CCDC171: variants seen among roughly 807,000 people sequenced by gnomAD.
CCDC171 encodes the protein coiled-coil domain containing 171.
Under a neutral mutation model 168.2 loss-of-function variants are expected in CCDC171, and 177 were observed. That is an observed-to-expected ratio of 1.05 (90% CI 0.93 to 1.19). The LOEUF (loss-of-function observed/expected upper bound fraction) is 1.19. Ranked by LOEUF, CCDC171 falls within the 50% of genes most tolerant of loss-of-function variation. The pLI is 0.00. For missense variants in CCDC171, 1,991 were observed against 1,539.0 expected, an observed-to-expected ratio of 1.29 and a Z score of -4.91; for synonymous variants, 687 against 540.8, an observed-to-expected ratio of 1.27 and a Z score of -3.75.
chr9:16,008,064 A>T (rs771965042), intron 3 of CCDC171, among the ~76,000 whole-genome samples: 6 of 152,184 alleles, frequency 3.9e-5, no homozygotes, highest in African/African-American at 1.4e-4. Context: ...TTTGAAGCAC[A>T]AAAGTTTTCA....
At chr9:15,623,925 C>T (rs990195895) in intron 7 of CCDC171, among the ~76,000 whole-genome samples, 1 of 152,126 alleles carries the variant, frequency 6.6e-6, no homozygotes, top group African/African-American at 2.4e-5. Flanking sequence ...CTGAAAATAA[C>T]TTTTAATCTT....
chr9:15,673,554 T>C (rs749222430), intron 9 of CCDC171, among the ~76,000 whole-genome samples: 2 of 152,244 alleles, frequency 1.3e-5, no homozygotes, highest in Non-Finnish European at 2.9e-5. Flanking sequence ...GTTTTTAGCA[T>C]GAAGGGCTAT....
chr9:15,751,804 C>T (rs1168120971), intron 18 of CCDC171, among the ~76,000 whole-genome samples: 4 of 152,066 alleles, frequency 2.6e-5, no homozygotes, highest in South Asian at 2.1e-4. Context: ...ACCATAAAAA[C>T]GCTAGAAGAA....
intron 24 of CCDC171, among the ~76,000 whole-genome samples, chr9:15,903,559 A>T (rs532467442): frequency 6.6e-6 from 1 of 152,322 alleles, no homozygotes; most frequent in South Asian, 2.1e-4. Flanking sequence ...AAAGGTAGAT[A>T]AAACCACAAA....
At chr9:15,873,858 T>C (rs568135274) in intron 23 of CCDC171, among the ~76,000 whole-genome samples, 1 of 152,276 alleles carries the variant, frequency 6.6e-6, no homozygotes, top group South Asian at 2.1e-4. Context: ...TGTTGCTTTC[T>C]GAATACTTAA....
the CCDC171 span, among the ~76,000 whole-genome samples, chr9:16,070,664 A>C: frequency 6.6e-6 from 1 of 152,052 alleles, no homozygotes. Flanking sequence ...AGGAGAGAGG[A>C]GCCGCCTGGT....
chr9:15,679,161 T>C (rs917543623), intron 10 of CCDC171, among the ~76,000 whole-genome samples: 1 of 152,206 alleles, frequency 6.6e-6, no homozygotes, highest in Admixed American at 6.5e-5. Flanking sequence ...TCAAATGTTT[T>C]TTTTTTATCG....
intron 6 of CCDC171, among the ~76,000 whole-genome samples, chr9:16,034,192 G>C (rs926071238): frequency 7.2e-5 from 11 of 152,128 alleles, no homozygotes; most frequent in African/African-American, 2.7e-4. Context: ...ACTGGCTTTG[G>C]GTTGCCGCAG....
chr9:15,610,070 G>A (rs890287383), intron 6 of CCDC171, among the ~76,000 whole-genome samples: 9 of 151,654 alleles, frequency 5.9e-5, no homozygotes, highest in African/African-American at 1.9e-4. Flanking sequence ...TAATTTCTAA[G>A]CTCATTCTTG....
chr9:15,865,177 A>G (rs1312613206), intron 23 of CCDC171, among the ~76,000 whole-genome samples: 1 of 152,046 alleles, frequency 6.6e-6, no homozygotes, highest in Admixed American at 6.6e-5. Flanking sequence ...GTTTTTGCTG[A>G]CATCTTTTTG....
chr9:15,679,972 G>T (rs1000630181), intron 10 of CCDC171, among the ~76,000 whole-genome samples: 1 of 152,026 alleles, frequency 6.6e-6, no homozygotes, highest in Non-Finnish European at 1.5e-5. Flanking sequence ...GCCCAGCTCT[G>T]ATATCTTGCA....
Position 15,779,009 on chromosome 9 carries a change from A to T in CCDC171, c.2940A>T (p.Thr980=). 2 of 1,576,448 alleles carry T rather than the reference A, an allele frequency of 1.3e-6. No homozygotes were observed. Among genetic ancestry groups the T allele is most frequent in the South Asian group, 2.5e-5 (2 of 81,558 alleles). ...TGCAGAAGCAAATACTTGGATTTAC[A>T]CAAAGACTGCATGCTGCAGAAGTGG... ...ASLQKQILGF[T]QRLHAAEVER... The change falls in exon 20 of 26, where the codon ACA becomes ACT. Residue 980 remains threonine, a synonymous_variant. Transcript: ENST00000380701.
chr9:15,614,650 A>G (rs890397290), intron 6 of CCDC171, among the ~76,000 whole-genome samples: 14 of 152,152 alleles, frequency 9.2e-5, no homozygotes, highest in African/African-American at 3.1e-4. Context: ...TTAAATACCC[A>G]TTTCTCTTAG....
chr9:16,098,490 A>T, the CCDC171 span, among the ~76,000 whole-genome samples: 2 of 152,216 alleles, frequency 1.3e-5, no homozygotes, highest in African/African-American at 4.8e-5. Flanking sequence ...GCTTTGGTCC[A>T]CACTCTTGAG....
At chr9:16,040,206 G>A (rs549355860), upstream of CCDC171, among the ~76,000 whole-genome samples, 215 of 152,302 alleles carry the variant, frequency 1.4e-3, no homozygotes, top group African/African-American at 4.8e-3. Flanking sequence ...CACAGGCATC[G>A]TGTTGGAGGC....
At chr9:15,727,795 C>G (rs1376010112) in intron 14 of CCDC171, 74 bp from the exon 15 acceptor site, 10 of 1,141,006 alleles carry the variant, frequency 8.8e-6, no homozygotes, top group African/African-American at 1.6e-5. Context: ...TAACTCTTCA[C>G]CATTAGTATT....
At chr9:15,896,049 T>C (rs917531003) in intron 24 of CCDC171, among the ~76,000 whole-genome samples, 3 of 152,076 alleles carry the variant, frequency 2.0e-5, no homozygotes, top group African/African-American at 7.2e-5. Flanking sequence ...TTTCCATATT[T>C]TTGTAGGAAA....
chr9:16,099,897 C>T, the CCDC171 span, among the ~76,000 whole-genome samples: 70,143 of 151,884 alleles, frequency 0.46, 18,156 homozygotes, highest in African/African-American at 0.71. Context: ...ATAAAGACAT[C>T]CACCCACCCT....
intron 21 of CCDC171, among the ~76,000 whole-genome samples, chr9:15,833,497 T>G (rs1333732773): frequency 1.3e-5 from 2 of 152,210 alleles, no homozygotes; most frequent in Non-Finnish European, 2.9e-5. Context: ...GTTGAATAAG[T>G]CTTTCATTTC....
Sources: gnomAD v4.1 joint callset for allele counts (sites outside exome capture counted in the v4.1 genomes callset) on GRCh38, gnomAD v4.1.1 for gene constraint, MANE v1.5 for transcripts, NCBI Gene and HGNC (gene_info 2026-07-23, HGNC 2026-07-21) for gene names.